Variants in IFI27L1 observed in about 807,000 individuals in gnomAD.
IFI27L1 encodes the protein interferon alpha inducible protein 27 like 1, also known as interferon alpha-inducible protein 27-like protein 1.
Under a neutral mutation model 9.2 loss-of-function variants are expected in IFI27L1, and 3 were observed. That is an observed-to-expected ratio of 0.32 (90% CI 0.15 to 0.84). The LOEUF (loss-of-function observed/expected upper bound fraction) is 0.84. Among genes scored for constraint, IFI27L1 ranks in the 40% least tolerant of loss-of-function variants. The pLI is 0.56. For synonymous variants in IFI27L1, 53 were observed against 50.0 expected, an observed-to-expected ratio of 1.06 and a Z score of -0.26; for missense variants, 133 against 134.2, an observed-to-expected ratio of 0.99 and a Z score of 0.05.
At chr14:94,082,970 A>C (rs1216475026) in intron 1 of IFI27L1, among the ~76,000 whole-genome samples, 2 of 152,246 alleles carry the variant, frequency 1.3e-5, no homozygotes, top group East Asian at 3.8e-4. Context: ...GCTGCCATAG[A>C]GAGTTATTCC....
intron 1 of IFI27L1, among the ~76,000 whole-genome samples, chr14:94,092,371 C>T (rs1336932561): frequency 1.3e-5 from 2 of 151,804 alleles, no homozygotes; most frequent in Non-Finnish European, 2.9e-5. Context: ...AATTAGCCAG[C>T]TGGGTGGTGC....
chr14:94,085,471 A>C (rs375259400), intron 1 of IFI27L1, among the ~76,000 whole-genome samples: 1 of 152,202 alleles, frequency 6.6e-6, no homozygotes, highest in East Asian at 1.9e-4. Context: ...GTCATCACAC[A>C]TTTCTTTATA....
intron 2 of IFI27L1, chr14:94,097,753 T>TA: frequency 2.9e-6 from 2 of 698,362 alleles, no homozygotes; most frequent in East Asian, 2.7e-5. Context: ...CCAGGCCACT[T>TA]ACCCTGAGCT....
intron 1 of IFI27L1, chr14:94,089,286 A>G (rs1278323909): frequency 6.6e-6 from 1 of 152,192 alleles, no homozygotes; most frequent in East Asian, 1.9e-4. Context: ...TAATACTTAT[A>G]GTTATTTCTT....
chr14:94,084,777 G>T lies in IFI27L1; in HGVS notation c.-52+3328G>T, dbSNP rs563364531. Among the ~76,000 whole-genome samples the T allele has an allele frequency of 2.8e-3, 425 of 152,276 alleles. 3 individuals are homozygous for T. The highest frequency in any genetic ancestry group is 9.8e-3 in the African/African-American group (407 of 41,548). ...GCAGCTGCACAGCTAGAGAAACAGA[G>T]TCTTCACAATGCCTGGGAAAGGGAG... On this transcript the variant is annotated intron_variant, in intron 1 of 4. Coordinates refer to ENST00000555523, the MANE Select transcript of IFI27L1 (RefSeq NM_206949.3).
chr14:94,088,355 G>A, intron 1 of IFI27L1: 1 of 702,234 alleles, frequency 1.4e-6, no homozygotes, highest in Non-Finnish European at 2.6e-6. Flanking sequence ...AGGTGTGGCA[G>A]TGGCTTCCCG....
intron 2 of IFI27L1, among the ~76,000 whole-genome samples, chr14:94,098,695 G>A (rs759434709): frequency 1.3e-5 from 2 of 152,160 alleles, no homozygotes; most frequent in Non-Finnish European, 2.9e-5. Flanking sequence ...CAGTGGGGAC[G>A]TTGTAAGTCC....
chr14:94,093,294 G>A (rs574962650), intron 1 of IFI27L1, among the ~76,000 whole-genome samples: 3 of 150,800 alleles, frequency 2.0e-5, no homozygotes, highest in Admixed American at 1.3e-4. Flanking sequence ...AGCCTCCCGA[G>A]TAGCTGGGAC....
chr14:94,093,004 G>A (rs60935878), intron 1 of IFI27L1, among the ~76,000 whole-genome samples: 44,009 of 150,484 alleles, frequency 0.29, 6,724 homozygotes, highest in East Asian at 0.51. Context: ...GCTAACTTTT[G>A]TATTTTTAGT....
intron 3 of IFI27L1, 150 bp from the exon 4 acceptor site, chr14:94,101,664 C>T (rs1277026606): frequency 9.9e-6 from 7 of 705,134 alleles, no homozygotes; most frequent in South Asian, 5.6e-5. Context: ...CTGCTTTACA[C>T]GTTGACTGCC....
intron 1 of IFI27L1, among the ~76,000 whole-genome samples, chr14:94,091,353 T>G (rs990914604): frequency 6.6e-6 from 1 of 152,230 alleles, no homozygotes; most frequent in Admixed American, 6.5e-5. Context: ...TAACTATTAG[T>G]AGCATACACT....
At chr14:94,090,212 T>C (rs1397576272) in intron 1 of IFI27L1, among the ~76,000 whole-genome samples, 1 of 152,232 alleles carries the variant, frequency 6.6e-6, no homozygotes, top group Non-Finnish European at 1.5e-5. Context: ...TTGTTTCTTC[T>C]GAGCTGCAGC....
chr14:94,096,417 C>T (rs895435805), intron 1 of IFI27L1, among the ~76,000 whole-genome samples: 11 of 152,148 alleles, frequency 7.2e-5, no homozygotes, highest in African/African-American at 1.9e-4. Flanking sequence ...TGCTTTCAGC[C>T]GGGTGCAGTG....
At chr14:94,100,035 G>A (rs1886832918) in intron 2 of IFI27L1, among the ~76,000 whole-genome samples, 1 of 152,172 alleles carries the variant, frequency 6.6e-6, no homozygotes, top group Non-Finnish European at 1.5e-5. Flanking sequence ...TTACAAGTGG[G>A]CAGCACAGGC....
At chr14:94,091,992 G>A (rs1454821128) in intron 1 of IFI27L1, among the ~76,000 whole-genome samples, 2 of 151,800 alleles carry the variant, frequency 1.3e-5, no homozygotes, top group Admixed American at 1.3e-4. Flanking sequence ...CACGCATGGT[G>A]GCGGGTGCCT....
intron 1 of IFI27L1, among the ~76,000 whole-genome samples, chr14:94,095,670 C>T (rs142994094): frequency 2.4e-3 from 364 of 152,188 alleles, no homozygotes; most frequent in African/African-American, 7.7e-3. Flanking sequence ...GAGGTACCAG[C>T]CTCCTTTAAA....
At chr14:94,100,980 G>T (rs1886873619) in intron 3 of IFI27L1, 1 of 623,616 alleles carries the variant, frequency 1.6e-6, no homozygotes, top group Non-Finnish European at 2.8e-6. Context: ...GCCAGAGCTG[G>T]GGCTACTCTC....
intron 1 of IFI27L1, among the ~76,000 whole-genome samples, chr14:94,083,234 T>C (rs1278338980): frequency 1.3e-5 from 2 of 152,198 alleles, no homozygotes; most frequent in Admixed American, 1.3e-4. Flanking sequence ...TATGACTGAA[T>C]TGTGGCAATC....
intron 1 of IFI27L1, among the ~76,000 whole-genome samples, chr14:94,091,557 T>G (rs1252717121): frequency 6.6e-6 from 1 of 152,140 alleles, no homozygotes; most frequent in African/African-American, 2.4e-5. Context: ...AAAAGATTAA[T>G]TAGGAGGTCA....
Sources: allele counts gnomAD v4.1 joint callset (sites outside exome capture counted in the v4.1 genomes callset), GRCh38; gene constraint gnomAD v4.1.1; transcripts MANE v1.5; gene names NCBI Gene and HGNC (gene_info 2026-07-23, HGNC 2026-07-21).